Variants in OR7A5 observed in about 807,000 individuals in gnomAD.
OR7A5 encodes the protein olfactory receptor 7A5.
For missense variants in OR7A5, 319 were observed against 377.9 expected (o/e 0.84, Z 1.29); for synonymous variants, 140 against 146.7 (o/e 0.95, Z 0.33).
chr19:14,829,619 T>C (rs2044811614), intron 1 of OR7A5, among the ~76,000 whole-genome samples: 1 of 152,164 alleles, frequency 6.6e-6, no homozygotes, highest in Admixed American at 6.5e-5. Flanking sequence ...TAAGGGGACC[T>C]GGCTGTCAAA....
Position 14,835,166 on chromosome 19 carries a change from A to G in OR7A5, c.-106T>C, listed in dbSNP as rs2044872557. On this transcript the variant is annotated 5_prime_UTR_variant, in exon 1 of 2. Transcript: ENST00000322301. ...TGGAGACTGAAGCTCTGCTCAGCAGACTAGGCAGCAGGAAAGAGTCAAGCA... is the reference window on the plus strand; with the variant it reads ...TGGAGACTGAAGCTCTGCTCAGCAGGCTAGGCAGCAGGAAAGAGTCAAGCA... The G allele has an allele frequency of 6.6e-6, 1 of 152,244 alleles. No individual in the cohort carries two copies. The highest frequency in any genetic ancestry group is 2.1e-4 in the South Asian group (1 of 4,832). The allele number at this position is 152,244 out of a possible 1,614,324, so 9.4% of individuals were successfully genotyped here.
chr19:14,828,758 CAAAAAAAAAAAA>C (rs58983718), intron 1 of OR7A5, among the ~76,000 whole-genome samples: 144 of 35,156 alleles, frequency 4.1e-3, no homozygotes, highest in Non-Finnish European at 5.9e-3. Flanking sequence ...GACTCCATCT[CAAAAAAAAAAAA>C]AAAAAAAAAA....
intron 1 of OR7A5, among the ~76,000 whole-genome samples, chr19:14,830,506 G>T (rs10410354): frequency 0.47 from 71,045 of 151,520 alleles, 17,300 homozygotes; most frequent in East Asian, 0.7. Context: ...AAATAAAAGC[G>T]ACCCTGGTTA....
chr19:14,832,627 A>G (rs2145086649), intron 1 of OR7A5, among the ~76,000 whole-genome samples: 1 of 151,326 alleles, frequency 6.6e-6, no homozygotes, highest in African/African-American at 2.4e-5. Context: ...GGGTTTCACC[A>G]TGTTGGCCAG....
At chr19:14,833,976 C>G (rs2044859482) in intron 1 of OR7A5, among the ~76,000 whole-genome samples, 1 of 152,136 alleles carries the variant, frequency 6.6e-6, no homozygotes, top group South Asian at 2.1e-4. Context: ...AAAACACATA[C>G]AGGCTGGGCG....
At position 14,827,090 on chromosome 19, in the gene OR7A5, G is replaced by T. The variant is rs964592452; in HGVS notation, c.*192C>A. On this transcript the variant is annotated 3_prime_UTR_variant, in exon 2 of 2. Coordinates refer to ENST00000322301, the MANE Select transcript of OR7A5 (RefSeq NM_017506.2). ...TGAGAAAGTAGGAAAACAACAAAGA[G>T]AAAAAACTGTTGGATATCAGAGAGC... 4 of 480,784 alleles carry T rather than the reference G, an allele frequency of 8.3e-6. No individual in the cohort carries two copies. The highest frequency in any genetic ancestry group is 1.4e-5 in the Non-Finnish European group (4 of 295,372). The allele number at this position is 480,784 out of a possible 1,614,324, so 29.8% of individuals were successfully genotyped here.
intron 1 of OR7A5, among the ~76,000 whole-genome samples, chr19:14,834,847 T>G (rs2044869526): frequency 6.6e-6 from 1 of 152,226 alleles, no homozygotes. Flanking sequence ...CTTCACTAAA[T>G]GTCAATAGTC....
chr19:14,827,193 T>TAATATAAAAA lies in OR7A5; in HGVS notation c.*88_*89insTTTTTATATT. On this transcript the variant is annotated 3_prime_UTR_variant, in exon 2 of 2. Coordinates refer to ENST00000322301, the MANE Select transcript of OR7A5 (RefSeq NM_017506.2). Reference sequence around the variant, plus strand: ...CAACAAATTGAAACTCCCAGAAATATAATAAGTATTAATAGAAGGAGCAAG... The same window carrying TAATATAAAAA: ...CAACAAATTGAAACTCCCAGAAATATAATATAAAAAAATAAGTATTAATAGAAGGAGCAAG... 1 of 1,276,656 alleles carries TAATATAAAAA rather than the reference T, an allele frequency of 7.8e-7. No individual in the cohort carries two copies. The highest frequency in any genetic ancestry group is 1.0e-6 in the Non-Finnish European group (1 of 966,492). 79.1% of individuals were successfully genotyped at this position (1,276,656 alleles called of 1,614,324 possible). A position where few individuals can be genotyped will look rare whatever the true frequency, so the allele number is the denominator to read the frequency against.
Position 14,828,259 on chromosome 19 carries a change from C to CAGAG in OR7A5, c.-13-9_-13-6dup. 6.3e-7 allele frequency: 1 copy of CAGAG among 1,585,092 alleles called. No homozygotes were observed. Among genetic ancestry groups the CAGAG allele is most frequent in the East Asian group, 2.3e-5 (1 of 44,328 alleles). On this transcript the variant is annotated splice_polypyrimidine_tract_variant and splice_region_variant and intron_variant, in intron 1 of 1. Coordinates refer to ENST00000322301, the MANE Select transcript of OR7A5 (RefSeq NM_017506.2). ...GGTTCCATTTGATTGAAGTGACTAT[C>CAGAG]AGAGAGAGAGAGAGAAAGAGGGAAA...
At chr19:14,832,827 A>G (rs1568255473) in intron 1 of OR7A5, among the ~76,000 whole-genome samples, 1 of 152,186 alleles carries the variant, frequency 6.6e-6, no homozygotes, top group East Asian at 1.9e-4. Flanking sequence ...GTTAAATATA[A>G]TCAACTGTAG....
rs781463480 is a variant in OR7A5, at chr19:14,828,292, G to A, written c.-13-38C>T. On this transcript the variant is annotated intron_variant, in intron 1 of 1. Coordinates refer to ENST00000322301, the MANE Select transcript of OR7A5 (RefSeq NM_017506.2). ...GAGAGAGAAAGAGGGAAACGAGACA[G>A]GCATGCATTGCTAACCTTTCAGAAA... The A allele has an allele frequency of 4.5e-6, 7 of 1,542,184 alleles. No individual in the cohort carries two copies. The East Asian group carries it at 1.6e-4, about 35-fold the overall frequency.
chr19:14,830,154 C>T (rs189378576), intron 1 of OR7A5, among the ~76,000 whole-genome samples: 42 of 152,338 alleles, frequency 2.8e-4, no homozygotes, highest in Admixed American at 6.5e-4. Flanking sequence ...TGAGCTACTG[C>T]ATTTGGCTCA....
chr19:14,827,974 T>G lies in OR7A5; in HGVS notation c.268A>C (p.Lys90Gln). ...AGGCAGGCTATGTAGGTGATGACTT[T>G]GTTCTGTGTCTGGATGTTCATCAGC... is the stretch of plus-strand genomic sequence containing the variant. ...KMLMNIQTQNKVITYIACLMQ... is the reference protein window; with the variant it reads ...KMLMNIQTQNQVITYIACLMQ... Residue 90 changes from lysine (K) to glutamine (Q), a missense_variant, in exon 2 of 2, where the codon AAA (lysine) becomes CAA (glutamine). Physicochemically the swap from Lys to Gln is moderately conservative, Grantham distance 53. Transcript: ENST00000322301. 1 of 1,614,222 alleles carries G rather than the reference T, an allele frequency of 6.2e-7. No individual in the cohort carries two copies. The highest frequency in any genetic ancestry group is 8.5e-7 in the Non-Finnish European group (1 of 1,180,030).
Position 14,827,428 on chromosome 19 carries a change from C to T in OR7A5, c.814G>A (p.Ala272Thr). ...ACAGTGTACATCACTGAGGCTGTTGCACTTGAGTGTGAGTTGCGGGTGGCA... is the reference window on the plus strand; with the variant it reads ...ACAGTGTACATCACTGAGGCTGTTGTACTTGAGTGTGAGTTGCGGGTGGCA... ...SAATRNSHSS[A>T]TASVMYTVVT... Residue 272 changes from alanine to threonine, a missense_variant, in exon 2 of 2, where the codon GCA becomes ACA. Transcript: ENST00000322301. The T allele has an allele frequency of 6.2e-7, 1 of 1,614,106 alleles. No individual in the cohort carries two copies. Among genetic ancestry groups the T allele is most frequent in the South Asian group, 1.1e-5 (1 of 91,072 alleles).
At chr19:14,828,758 CAAAAAAAAAAAAAA>C (rs58983718) in intron 1 of OR7A5, among the ~76,000 whole-genome samples, 5 of 35,140 alleles carry the variant, frequency 1.4e-4, no homozygotes, top group African/African-American at 2.1e-4. Flanking sequence ...GACTCCATCT[CAAAAAAAAAAAAAA>C]AAAAAAAAAA....
chr19:14,828,275 A>G, intron 1 of OR7A5, 21 bp from the exon 2 acceptor site: 1 of 1,563,910 alleles, frequency 6.4e-7, no homozygotes, highest in South Asian at 1.2e-5. Flanking sequence ...GAGAGAGAGA[A>G]AGAGGGAAAC....
intron 1 of OR7A5, among the ~76,000 whole-genome samples, chr19:14,828,552 A>G (rs2044797889): frequency 6.6e-6 from 1 of 152,008 alleles, no homozygotes; most frequent in Non-Finnish European, 1.5e-5. Flanking sequence ...CGAGGTCAAG[A>G]GGTTGAGACC....
chr19:14,827,634 A>C lies in OR7A5; in HGVS notation c.608T>G (p.Val203Gly), dbSNP rs146887113. ...FLNHMVIYFT[V>G]ALLGGGPLTG... ...CAGGGGACCTCCACCCAGCAGCGCA[A>C]CTGTAAAATATATCACCATGTGATT... Residue 203 changes from valine to glycine, a missense_variant, in exon 2 of 2, where the codon GTT (valine) becomes GGT (glycine). Physicochemically the swap from Val to Gly is moderately radical, Grantham distance 109. Transcript: ENST00000322301. 1.0e-4 allele frequency: 162 copies of C among 1,614,206 alleles called. 1 individual carries two copies. Among genetic ancestry groups the C allele is most frequent in the Admixed American group, 1.0e-4 (6 of 60,016 alleles).
rs572102214 is a variant in OR7A5, at chr19:14,827,470, C to T, written c.772G>A (p.Val258Met). ...CGGGTGGCAGCAGAACTAAGGTACA[C>T]CCCTAGGATTGCACCATAAAATAAG... ...VSLFYGAILG[V>M]YLSSAATRNS... is the part of the protein sequence containing the mutation. The change falls in exon 2 of 2, where the codon GTG (valine) becomes ATG (methionine). Residue 258 changes from valine to methionine, a missense_variant. Transcript: ENST00000322301. 6.2e-7 allele frequency: 1 copy of T among 1,614,074 alleles called. No homozygotes were observed. Among genetic ancestry groups the T allele is most frequent in the East Asian group, 2.2e-5 (1 of 44,872 alleles).
Sources: allele counts gnomAD v4.1 joint callset (sites outside exome capture counted in the v4.1 genomes callset), GRCh38; gene constraint gnomAD v4.1.1; transcripts MANE v1.5; gene names NCBI Gene and HGNC (gene_info 2026-07-23, HGNC 2026-07-21).